Variants in CLNK observed in about 807,000 individuals in gnomAD.
CLNK encodes the protein cytokine dependent hematopoietic cell linker.
Under a neutral mutation model 68.6 loss-of-function variants are expected in CLNK, and 74 were observed. The observed-to-expected ratio is 1.08, with a 90% CI of 0.89 to 1.31. The LOEUF (loss-of-function observed/expected upper bound fraction) is 1.31, where lower values mean the gene tolerates loss of function less well. Ranked by LOEUF, CLNK falls within the 50% of genes most tolerant of loss-of-function variation. The pLI, the probability that CLNK is intolerant of heterozygous loss-of-function variation, is 0.00. For missense variants in CLNK, 553 were observed against 515.3 expected, an observed-to-expected ratio of 1.07 and a Z score of -0.71; for synonymous variants, 198 against 172.2, an observed-to-expected ratio of 1.15 and a Z score of -1.17.
At chr4:10,673,053 T>G (rs1304745856) in intron 1 of CLNK, among the ~76,000 whole-genome samples, 1 of 152,250 alleles carries the variant, frequency 6.6e-6, no homozygotes, top group African/African-American at 2.4e-5. Flanking sequence ...TTTAACAATT[T>G]GATCATGGAA....
intron 3 of CLNK, among the ~76,000 whole-genome samples, chr4:10,586,419 A>C (rs951136754): frequency 6.9e-6 from 1 of 145,266 alleles, no homozygotes; most frequent in Non-Finnish European, 1.5e-5. Flanking sequence ...GGTTCAAGCA[A>C]TTCTCCTGCC....
intron 2 of CLNK, 40 bp downstream of exon 2, chr4:10,667,819 A>G (rs1250357193): frequency 6.5e-7 from 1 of 1,545,634 alleles, no homozygotes; most frequent in South Asian, 1.2e-5. Context: ...CCCCACCAAG[A>G]AAAGGGAACT....
the CLNK span, among the ~76,000 whole-genome samples, chr4:10,713,585 C>T: frequency 6.6e-6 from 1 of 151,984 alleles, no homozygotes; most frequent in Non-Finnish European, 1.5e-5. Context: ...ATTTTTGTCC[C>T]CCCAAAATCT....
intron 2 of CLNK, among the ~76,000 whole-genome samples, chr4:10,655,742 C>T (rs907413197): frequency 5.4e-5 from 8 of 148,888 alleles, no homozygotes; most frequent in African/African-American, 1.5e-4. Context: ...CTCAGCCTCC[C>T]GGGTTCACGC....
intron 2 of CLNK, among the ~76,000 whole-genome samples, chr4:10,655,066 A>C (rs1450638204): frequency 7.0e-6 from 1 of 143,430 alleles, no homozygotes; most frequent in Non-Finnish European, 1.5e-5. Context: ...ACACCACTGC[A>C]CTCCAGTCTG....
At chr4:10,709,119 G>A in the CLNK span, among the ~76,000 whole-genome samples, 1 of 152,182 alleles carries the variant, frequency 6.6e-6, no homozygotes, top group Non-Finnish European at 1.5e-5. Flanking sequence ...TATGGTATCA[G>A]ACATGAATCA....
intron 17 of CLNK, among the ~76,000 whole-genome samples, chr4:10,503,087 T>C (rs1227276073): frequency 6.6e-6 from 1 of 152,244 alleles, no homozygotes; most frequent in Non-Finnish European, 1.5e-5. Flanking sequence ...TGTGGTTACA[T>C]TGTGTTATTT....
chr4:10,663,601 C>T (rs1301645095), intron 2 of CLNK, among the ~76,000 whole-genome samples: 3 of 152,232 alleles, frequency 2.0e-5, no homozygotes, highest in African/African-American at 7.2e-5. Flanking sequence ...TGTCTGCATA[C>T]ATATACATGC....
chr4:10,531,223 C>A (rs1039764860), intron 12 of CLNK, among the ~76,000 whole-genome samples: 2 of 152,102 alleles, frequency 1.3e-5, no homozygotes, highest in African/African-American at 2.4e-5. Flanking sequence ...ATGGTGACCC[C>A]ACTATCCTCG....
intron 2 of CLNK, among the ~76,000 whole-genome samples, chr4:10,629,867 G>A (rs1423244544): frequency 6.6e-6 from 1 of 151,874 alleles, no homozygotes; most frequent in Non-Finnish European, 1.5e-5. Flanking sequence ...TCCAAAATTA[G>A]AACCTCTCCA....
At chr4:10,726,779 AC>A in the CLNK span, among the ~76,000 whole-genome samples, 10 of 152,110 alleles carry the variant, frequency 6.6e-5, no homozygotes, top group African/African-American at 2.4e-4. Flanking sequence ...CCCATGATAA[AC>A]CACATGGTTT....
intron 3 of CLNK, among the ~76,000 whole-genome samples, chr4:10,593,921 CT>C (rs1044781460): frequency 6.6e-6 from 1 of 152,160 alleles, no homozygotes; most frequent in African/African-American, 2.4e-5. Context: ...GAGACTAGTG[CT>C]TGGAAAGTGA....
chr4:10,708,607 G>A, the CLNK span, among the ~76,000 whole-genome samples: 9 of 152,186 alleles, frequency 5.9e-5, no homozygotes, highest in South Asian at 2.1e-4. Flanking sequence ...GGAGAGCAGA[G>A]GCCAGAGGTG....
At chr4:10,541,101 C>T (rs1577117024) in intron 10 of CLNK, among the ~76,000 whole-genome samples, 1 of 151,734 alleles carries the variant, frequency 6.6e-6, no homozygotes, top group African/African-American at 2.4e-5. Context: ...GTAATCCCAG[C>T]TACTCACAAA....
At chr4:10,673,441 G>A (rs1724739362) in intron 1 of CLNK, among the ~76,000 whole-genome samples, 1 of 152,042 alleles carries the variant, frequency 6.6e-6, no homozygotes, top group African/African-American at 2.4e-5. Context: ...GTGATAGACT[G>A]GATTAATAAA....
At chr4:10,692,208 G>A in the CLNK span, 1 of 152,082 alleles carries the variant, frequency 6.6e-6, no homozygotes, top group Admixed American at 6.6e-5. Flanking sequence ...AGTCTACAAT[G>A]TACAAACTCC....
At chr4:10,614,722 T>C (rs1316659620) in intron 2 of CLNK, among the ~76,000 whole-genome samples, 5 of 152,246 alleles carry the variant, frequency 3.3e-5, no homozygotes, top group Non-Finnish European at 7.3e-5. Flanking sequence ...TTTATTTCTC[T>C]TATCTGCAAT....
the CLNK span, among the ~76,000 whole-genome samples, chr4:10,731,126 G>T: frequency 1.3e-5 from 2 of 152,094 alleles, no homozygotes; most frequent in Admixed American, 6.5e-5. Context: ...ATAAATTATT[G>T]TGAACTATAG....
the CLNK span, among the ~76,000 whole-genome samples, chr4:10,699,293 C>CACACACATACACACCACGTTTGTGTGTAT: frequency 1.9e-4 from 3 of 15,682 alleles, 1 homozygote; most frequent in Admixed American, 7.3e-4. Flanking sequence ...TACGTGTATA[C>CACACACATACACACCACGTTTGTGTGTAT]ACACACACAC....
Sources: allele counts gnomAD v4.1 joint callset (sites outside exome capture counted in the v4.1 genomes callset), GRCh38; gene constraint gnomAD v4.1.1; transcripts MANE v1.5; gene names NCBI Gene and HGNC (gene_info 2026-07-23, HGNC 2026-07-21).